The following IGF2R variants were observed in gnomAD, a reference collection of about 807,000 sequenced individuals.
IGF2R encodes cation-independent mannose-6-phosphate receptor.
IGF2R carries 91 observed loss-of-function variants against 270.6 expected under a neutral mutation model. The ratio of observed to expected loss-of-function variants is 0.34; its 90% CI spans 0.28 to 0.40. The LOEUF (loss-of-function observed/expected upper bound fraction) is 0.40. Ranked by LOEUF, IGF2R falls within the 10% of genes least tolerant of loss-of-function variation. The probability of loss-of-function intolerance (pLI) is 1.00; values close to 1 mark genes in which losing one functional copy is unlikely to be tolerated. For synonymous variants in IGF2R, 1,316 were observed against 1,258.9 expected (o/e 1.05, Z -0.96); for missense variants, 2,805 against 3,188.3 (o/e 0.88, Z 2.90).
intron 11 of IGF2R, among the ~76,000 whole-genome samples, chr6:160,042,800 G>A (rs1435725103): frequency 2.0e-5 from 3 of 152,320 alleles, no homozygotes; most frequent in South Asian, 2.1e-4. Flanking sequence ...ACTCTACTGC[G>A]TCCCAAGACA....
intron 29 of IGF2R, among the ~76,000 whole-genome samples, chr6:160,066,883 T>G (rs1778596238): frequency 6.6e-6 from 1 of 152,196 alleles, no homozygotes. Context: ...AGCTTTCCCT[T>G]CCTGCCACCT....
intron 39 of IGF2R, among the ~76,000 whole-genome samples, chr6:160,082,601 C>T (rs768331686): frequency 5.4e-4 from 81 of 151,308 alleles, no homozygotes; most frequent in African/African-American, 1.8e-3. Context: ...TGAGCCACCG[C>T]GCCCAGCTAT....
intron 6 of IGF2R, among the ~76,000 whole-genome samples, chr6:160,027,805 C>G (rs1777596284): frequency 6.6e-6 from 1 of 152,188 alleles, no homozygotes; most frequent in Non-Finnish European, 1.5e-5. Context: ...GCCTTTGTAT[C>G]TTGCCTTGGC....
rs547346229 is a variant in IGF2R at position 160,011,534 on chromosome 6, G to A, written c.513+749G>A. Among the ~76,000 whole-genome samples, 35 of 141,422 alleles carry A rather than the reference G, an allele frequency of 2.5e-4. No homozygotes were observed. The Middle Eastern group carries it at 0.015, about 61-fold the overall frequency. The allele number at this position is 141,422 out of a possible 152,430, so 92.8% of individuals were successfully genotyped here. The stretch of plus-strand genomic sequence containing the variant: ...GCTACATTGAGCTAATTACATATGT[G>A]TTACCTCACATATTTCGTTTTTTTT... On this transcript the variant is annotated intron_variant, in intron 4 of 47. Coordinates refer to ENST00000356956, the MANE Select transcript of IGF2R (RefSeq NM_000876.4).
chr6:160,061,476 C>A, intron 23 of IGF2R, 27 bp from the exon 24 acceptor site: 1 of 1,611,638 alleles, frequency 6.2e-7, no homozygotes, highest in Non-Finnish European at 8.5e-7. Flanking sequence ...GCAGAGTTCT[C>A]CAGCGTGGTT....
intron 38 of IGF2R, 93 bp from the exon 39 acceptor site, chr6:160,080,036 G>A: frequency 2.1e-6 from 3 of 1,433,882 alleles, no homozygotes; most frequent in Non-Finnish European, 2.9e-6. Flanking sequence ...GCTTTAGGAT[G>A]GGCAGCTTCC....
At position 160,063,646 on chromosome 6, in the gene IGF2R, G is replaced by A. The variant is rs748344289; in HGVS notation, c.3886+16G>A. 1.6e-5 allele frequency: 26 copies of A among 1,588,212 alleles called. No homozygotes were observed. The highest frequency in any genetic ancestry group is 2.3e-5 in the South Asian group (2 of 88,834). ...AAAGTGGCAGGTACCATTGTTTGTCGTTTTCCTTTTGTTGCAAAGGAATGG... is the reference window on the plus strand; with the variant it reads ...AAAGTGGCAGGTACCATTGTTTGTCATTTTCCTTTTGTTGCAAAGGAATGG... On this transcript the variant is annotated intron_variant, in intron 27 of 47. Transcript: ENST00000356956.
At chr6:160,076,732 T>C (rs537415237) in intron 36 of IGF2R, among the ~76,000 whole-genome samples, 3 of 152,360 alleles carry the variant, frequency 2.0e-5, no homozygotes, top group East Asian at 3.9e-4. Context: ...AACTTGGGGC[T>C]CCTTTGACAT....
chr6:160,099,802 G>A (rs1304195517), intron 45 of IGF2R, among the ~76,000 whole-genome samples: 3 of 152,156 alleles, frequency 2.0e-5, no homozygotes, highest in Non-Finnish European at 2.9e-5. Context: ...GGACAACAGT[G>A]GTGTCTAAGC....
intron 2 of IGF2R, 132 bp downstream of exon 2, chr6:159,991,455 A>G (rs1372088699): frequency 1.0e-5 from 7 of 697,296 alleles, no homozygotes; most frequent in Non-Finnish European, 1.7e-5. Flanking sequence ...TGTTTATAAT[A>G]CATAATACAC....
chr6:160,012,765 T>TATATATA (rs1562343074), intron 4 of IGF2R, among the ~76,000 whole-genome samples: 1,442 of 76,310 alleles, frequency 0.019, 67 homozygotes, highest in African/African-American at 0.044. Context: ...ATATATATAT[T>TATATATA]TTTTTTTTTT....
At chr6:160,029,491 A>G (rs758200419) in intron 6 of IGF2R, 59 bp from the exon 7 acceptor site, 3 of 1,076,320 alleles carry the variant, frequency 2.8e-6, no homozygotes, top group Admixed American at 3.6e-5. Flanking sequence ...AGGGCAACAT[A>G]TGAATTTGGA....
Position 160,064,218 on chromosome 6 carries a change from G to T in IGF2R, c.3887-183G>T, listed in dbSNP as rs564639613. 2.0e-5 allele frequency among the ~76,000 whole-genome samples: 3 copies of T among 152,340 alleles called. No homozygotes were observed. In the South Asian group the frequency reaches 6.2e-4, roughly 32 times the overall value. ...AGTCTGTGACGTTGCAGCAGCCTTG[G>T]ACAAGGGGAAGCCTGATTTTATTCC... On this transcript the variant is annotated intron_variant, in intron 27 of 47. Transcript: ENST00000356956.
chr6:160,072,968 A>G, intron 33 of IGF2R, 84 bp downstream of exon 33: 2 of 1,517,786 alleles, frequency 1.3e-6, no homozygotes, highest in South Asian at 2.6e-5. Context: ...TAATGGCAAA[A>G]AGGATGAGCA....
intron 2 of IGF2R, among the ~76,000 whole-genome samples, chr6:159,997,512 G>C (rs1203937317): frequency 1.3e-5 from 2 of 152,186 alleles, no homozygotes; most frequent in Non-Finnish European, 2.9e-5. Context: ...GTTTGGGTTT[G>C]TGAGGGCAGA....
intron 45 of IGF2R, among the ~76,000 whole-genome samples, chr6:160,101,967 CG>C (rs1468521500): frequency 2.0e-5 from 3 of 152,172 alleles, no homozygotes; most frequent in African/African-American, 7.2e-5. Context: ...GGAGACCCGT[CG>C]GGGGCTGTGC....
intron 3 of IGF2R, among the ~76,000 whole-genome samples, chr6:160,009,432 T>C (rs756509397): frequency 6.6e-5 from 10 of 152,250 alleles, no homozygotes; most frequent in Admixed American, 1.3e-4. Context: ...ACTTTTTTTT[T>C]CTCTAAAACC....
intron 2 of IGF2R, among the ~76,000 whole-genome samples, chr6:160,001,278 T>C (rs995438790): frequency 6.6e-6 from 1 of 152,000 alleles, no homozygotes; most frequent in Non-Finnish European, 1.5e-5. Context: ...TATTGTGAAC[T>C]GCACATGCAA....
chr6:160,103,516 G>A (rs1779539945), intron 46 of IGF2R, among the ~76,000 whole-genome samples: 1 of 152,082 alleles, frequency 6.6e-6, no homozygotes, highest in Non-Finnish European at 1.5e-5. Context: ...TGCTCTAGAG[G>A]GCCCTCTGCT....
Sources: gnomAD v4.1 joint callset for allele counts (sites outside exome capture counted in the v4.1 genomes callset) on GRCh38, gnomAD v4.1.1 for gene constraint, MANE v1.5 for transcripts, NCBI Gene and HGNC (gene_info 2026-07-23, HGNC 2026-07-21) for gene names.